PSEN1: variants seen among roughly 807,000 people sequenced by gnomAD.
The protein encoded by PSEN1 is presenilin-1.
PSEN1 carries 15 observed loss-of-function variants against 53.5 expected under a neutral mutation model. That is an observed-to-expected ratio of 0.28 (90% CI 0.19 to 0.43). The LOEUF (loss-of-function observed/expected upper bound fraction) is 0.43, where lower values mean the gene tolerates loss of function less well. PSEN1 is among the 20% of genes least tolerant of loss of function. The pLI, the probability that PSEN1 is intolerant of heterozygous loss-of-function variation, is 1.00. For synonymous variants in PSEN1, 208 were observed against 209.8 expected (o/e 0.99, Z 0.08); for missense variants, 387 against 571.2 (o/e 0.68, Z 3.29).
At chr14:73,202,208 C>T (rs985357339) in intron 8 of PSEN1, among the ~76,000 whole-genome samples, 6 of 91,536 alleles carry the variant, frequency 6.6e-5, no homozygotes, top group Admixed American at 1.2e-4. Context: ...CTATACCTGG[C>T]TAATTTTTTT....
intron 5 of PSEN1, among the ~76,000 whole-genome samples, chr14:73,179,664 G>A (rs183147233): frequency 1.3e-3 from 203 of 152,248 alleles, no homozygotes; most frequent in Admixed American, 0.012. Context: ...TGGGTGTTAG[G>A]AGACCTCTTT....
At chr14:73,209,484 C>T (rs2140131072) in intron 9 of PSEN1, among the ~76,000 whole-genome samples, 1 of 152,344 alleles carries the variant, frequency 6.6e-6, no homozygotes, top group East Asian at 1.9e-4. Flanking sequence ...AGTGATACAA[C>T]AGAATTTCAT....
chr14:73,156,557 C>G (rs1019673092), intron 3 of PSEN1, among the ~76,000 whole-genome samples: 1 of 151,778 alleles, frequency 6.6e-6, no homozygotes, highest in African/African-American at 2.4e-5. Context: ...GTAGATGAAA[C>G]AAGATTAGCA....
chr14:73,204,147 C>T (rs1048008128), intron 8 of PSEN1, among the ~76,000 whole-genome samples: 1 of 152,068 alleles, frequency 6.6e-6, no homozygotes, highest in African/African-American at 2.4e-5. Context: ...TATAGACATG[C>T]ACCACCACAC....
At chr14:73,212,082 A>C in intron 10 of PSEN1, 140 bp downstream of exon 10, 1 of 172,414 alleles carries the variant, frequency 5.8e-6, no homozygotes, top group African/African-American at 3.1e-5. Context: ...TATATCAGTA[A>C]TAGTGCTTTT....
chr14:73,173,452 A>C (rs888018075), intron 4 of PSEN1, 114 bp from the exon 5 acceptor site: 5 of 1,072,116 alleles, frequency 4.7e-6, no homozygotes, highest in Middle Eastern at 2.2e-4. Context: ...GGGAAAAGTG[A>C]CTTATAAGAT....
intron 1 of PSEN1, among the ~76,000 whole-genome samples, chr14:73,145,197 T>TA (rs1212782435): frequency 6.6e-6 from 1 of 151,590 alleles, no homozygotes; most frequent in Non-Finnish European, 1.5e-5. Flanking sequence ...CCGGCCTACT[T>TA]ACCTTTTATT....
rs78344413 is a variant in PSEN1, at chr14:73,157,305, CT to C, written c.87+9211del. On this transcript the variant is annotated intron_variant, in intron 3 of 11. Transcript: ENST00000324501. ...CACACCCAGCTAATTTTTTTGTATA[CT>C]TTTTTTTTTTTAAGTACAGATGGGG... Among the ~76,000 whole-genome samples, 248 of 144,506 alleles carry C rather than the reference CT, an allele frequency of 1.7e-3. 2 individuals carry two copies. The Middle Eastern group carries it at 0.022, about 13-fold the overall frequency. The allele number at this position is 144,506 out of a possible 152,430, so 94.8% of individuals were successfully genotyped here.
chr14:73,150,678 T>G (rs1384116333), intron 3 of PSEN1, among the ~76,000 whole-genome samples: 2 of 146,480 alleles, frequency 1.4e-5, no homozygotes, highest in East Asian at 4.1e-4. Flanking sequence ...AGGCAGAGAA[T>G]TGCTTGAACT....
At chr14:73,191,172 A>G (rs1428089861) in intron 6 of PSEN1, among the ~76,000 whole-genome samples, 1 of 152,224 alleles carries the variant, frequency 6.6e-6, no homozygotes, top group Non-Finnish European at 1.5e-5. Flanking sequence ...ATTATATAAG[A>G]TTATAAAGAA....
intron 3 of PSEN1, among the ~76,000 whole-genome samples, chr14:73,165,904 A>C (rs1262650017): frequency 6.6e-6 from 1 of 151,820 alleles, no homozygotes; most frequent in African/African-American, 2.4e-5. Flanking sequence ...AAAAATACAA[A>C]CATTAAGCCG....
At chr14:73,150,969 G>A (rs1723541059) in intron 3 of PSEN1, among the ~76,000 whole-genome samples, 1 of 151,476 alleles carries the variant, frequency 6.6e-6, no homozygotes, top group South Asian at 2.1e-4. Context: ...TTGGGAGGCT[G>A]AGGCAGGAGA....
chr14:73,148,548 C>T (rs3025776), intron 3 of PSEN1, among the ~76,000 whole-genome samples: 2,283 of 152,298 alleles, frequency 0.015, 57 homozygotes, highest in African/African-American at 0.051. Context: ...AGGAAAAGAA[C>T]GTAATCTGTG....
intron 1 of PSEN1, among the ~76,000 whole-genome samples, chr14:73,144,338 C>A (rs531093092): frequency 3.9e-5 from 6 of 152,146 alleles, no homozygotes; most frequent in Admixed American, 1.3e-4. Context: ...CTGCGCCCAG[C>A]CAGCTTATCC....
At chr14:73,170,151 A>T (rs1047739035) in intron 3 of PSEN1, among the ~76,000 whole-genome samples, 1 of 152,216 alleles carries the variant, frequency 6.6e-6, no homozygotes, top group Non-Finnish European at 1.5e-5. Context: ...CAGTGAGGAT[A>T]ACCAGAGGTC....
chr14:73,200,919 T>C (rs1286676159), intron 8 of PSEN1, among the ~76,000 whole-genome samples: 6 of 151,878 alleles, frequency 4.0e-5, no homozygotes, highest in African/African-American at 1.5e-4. Flanking sequence ...GGTGTGGTGG[T>C]GCACACTTGT....
chr14:73,204,054 A>C (rs1230268045), intron 8 of PSEN1, among the ~76,000 whole-genome samples: 1 of 152,146 alleles, frequency 6.6e-6, no homozygotes, highest in Non-Finnish European at 1.5e-5. Flanking sequence ...GCTGGAGTGC[A>C]ATGGCACGAT....
At chr14:73,216,285 G>A (rs1302087646) in intron 10 of PSEN1, among the ~76,000 whole-genome samples, 17 of 152,154 alleles carry the variant, frequency 1.1e-4, no homozygotes, top group Non-Finnish European at 1.0e-4. Flanking sequence ...GTAGGAGTGG[G>A]GATTAACTGT....
At chr14:73,148,252 T>C in intron 3 of PSEN1, 146 bp downstream of exon 3, 2 of 726,750 alleles carry the variant, frequency 2.8e-6, no homozygotes, top group South Asian at 3.0e-5. Context: ...AGCTGATTGC[T>C]GGAGGACACA....
Sources: allele counts gnomAD v4.1 joint callset (sites outside exome capture counted in the v4.1 genomes callset), GRCh38; gene constraint gnomAD v4.1.1; transcripts MANE v1.5; gene names NCBI Gene and HGNC (gene_info 2026-07-23, HGNC 2026-07-21).